The following PDE10A variants were observed in gnomAD, a reference collection of about 807,000 sequenced individuals.
The protein encoded by PDE10A is cAMP and cAMP-inhibited cGMP 3',5'-cyclic phosphodiesterase 10A.
A neutral mutation model predicts 97.7 loss-of-function variants in PDE10A; 39 were observed. The ratio of observed to expected loss-of-function variants is 0.40; its 90% confidence interval spans 0.31 to 0.52. The LOEUF (loss-of-function observed/expected upper bound fraction) is 0.52. Ranked by LOEUF, PDE10A falls within the 20% of genes least tolerant of loss-of-function variation. The probability of loss-of-function intolerance (pLI) is 0.56; values close to 1 mark genes in which losing one functional copy is unlikely to be tolerated. For synonymous variants in PDE10A, 371 were observed against 376.8 expected (o/e 0.98, Z 0.18); for missense variants, 731 against 1,047.8 (o/e 0.70, Z 4.17).
chr6:165,956,672 C>G (rs538604862), intron 1 of PDE10A, among the ~76,000 whole-genome samples: 1 of 152,306 alleles, frequency 6.6e-6, no homozygotes, highest in South Asian at 2.1e-4. Flanking sequence ...TCCTATGTTT[C>G]TCATTTTAAA....
chr6:165,978,521 A>T (rs954205227), intron 1 of PDE10A, among the ~76,000 whole-genome samples: 3 of 152,218 alleles, frequency 2.0e-5, no homozygotes, highest in African/African-American at 7.2e-5. Context: ...GCACAGTGCC[A>T]CCTATGTGGT....
Position 165,379,225 on chromosome 6 carries a change from C to T in PDE10A, c.2752G>A (p.Gly918Arg), listed in dbSNP as rs376347226. 1.4e-5 allele frequency: 23 copies of T among 1,610,902 alleles called. 1 individual carries two copies. The highest frequency in any genetic ancestry group is 6.6e-5 in the South Asian group (6 of 90,386). The change falls in exon 18 of 22, where the codon GGA becomes AGA. Residue 918 changes from glycine to arginine, a missense_variant. By Grantham distance (125) the Gly-to-Arg change is moderately radical. Transcript: ENST00000539869. ...GATTGATTATTAAGGTTTAGTGATC[C>T]GGTCTGGTACATCTCTTCCAACTGC... is the stretch of plus-strand genomic sequence containing the variant. ...RKQLEEMYQTGSLNLNNQSHR... is the reference protein window; with the variant it reads ...RKQLEEMYQTRSLNLNNQSHR...
chr6:165,926,713 C>T (rs56350370), intron 1 of PDE10A, among the ~76,000 whole-genome samples: 21,920 of 152,088 alleles, frequency 0.14, 1,804 homozygotes, highest in East Asian at 0.26. Flanking sequence ...GCATCAAAGA[C>T]GTGTCAGACA....
At chr6:165,615,131 A>C (rs1459567552) in intron 1 of PDE10A, among the ~76,000 whole-genome samples, 3 of 150,634 alleles carry the variant, frequency 2.0e-5, no homozygotes, top group African/African-American at 7.3e-5. Context: ...AATTGCTTGA[A>C]CCCAGGAGGC....
At chr6:165,470,033 G>A (rs773164756) in intron 3 of PDE10A, among the ~76,000 whole-genome samples, 1 of 152,112 alleles carries the variant, frequency 6.6e-6, no homozygotes, top group Non-Finnish European at 1.5e-5. Context: ...GGGCATTGGT[G>A]TTTAGTCCAT....
intron 5 of PDE10A, 146 bp downstream of exon 5, chr6:165,448,782 T>G (rs749738450): frequency 4.5e-5 from 25 of 552,848 alleles, no homozygotes; most frequent in African/African-American, 3.2e-4. Context: ...AATTCTTGAC[T>G]GGTAATAACC....
At chr6:165,657,483 C>G (rs1790024361) in intron 1 of PDE10A, among the ~76,000 whole-genome samples, 1 of 152,162 alleles carries the variant, frequency 6.6e-6, no homozygotes, top group African/African-American at 2.4e-5. Flanking sequence ...TCGAAACAAA[C>G]AAAAATTAAC....
At position 165,430,996 on chromosome 6, in the gene PDE10A, A is replaced by G. The variant is rs1005709490; in HGVS notation, c.1542+426T>C. On this transcript the variant is annotated intron_variant, in intron 8 of 21. Coordinates refer to ENST00000539869, the MANE Select transcript of PDE10A (RefSeq NM_001385079.1). ...AAGTAGTTGGTGATTTTTAAATTAG[A>G]TATCTTCAAAAGAACCAGATATCTT... Among the ~76,000 whole-genome samples the G allele has an allele frequency of 2.0e-5, 3 of 152,202 alleles. No individual in the cohort carries two copies. In the South Asian group the frequency reaches 6.2e-4, roughly 31 times the overall value.
At chr6:165,964,397 A>G (rs927780802) in intron 1 of PDE10A, among the ~76,000 whole-genome samples, 6 of 152,278 alleles carry the variant, frequency 3.9e-5, no homozygotes, top group East Asian at 3.9e-4. Flanking sequence ...TTTTATCACT[A>G]TAATTGTTTT....
At chr6:165,627,456 G>A (rs1788440022) in intron 1 of PDE10A, among the ~76,000 whole-genome samples, 1 of 152,152 alleles carries the variant, frequency 6.6e-6, no homozygotes, top group South Asian at 2.1e-4. Context: ...TGCCAGATGG[G>A]CCTAAATATC....
intron 1 of PDE10A, among the ~76,000 whole-genome samples, chr6:165,881,753 G>C (rs1332181956): frequency 6.6e-6 from 1 of 151,932 alleles, no homozygotes; most frequent in Admixed American, 6.6e-5. Context: ...TAAATACACA[G>C]AGTGAAGGAA....
At chr6:165,624,069 C>T (rs1788273266) in intron 1 of PDE10A, among the ~76,000 whole-genome samples, 1 of 152,234 alleles carries the variant, frequency 6.6e-6, no homozygotes, top group South Asian at 2.1e-4. Context: ...TTCATTCAGT[C>T]TGGTTCAAAG....
chr6:165,598,322 T>C (rs1482778120), intron 1 of PDE10A, among the ~76,000 whole-genome samples: 1 of 152,198 alleles, frequency 6.6e-6, no homozygotes, highest in African/African-American at 2.4e-5. Flanking sequence ...AAAGAGATCT[T>C]AAAAACAGAA....
At chr6:165,570,861 C>T (rs996361996) in intron 1 of PDE10A, among the ~76,000 whole-genome samples, 1 of 152,046 alleles carries the variant, frequency 6.6e-6, no homozygotes, top group Non-Finnish European at 1.5e-5. Context: ...ATTGGAAATA[C>T]AAGGTTAGGT....
intron 1 of PDE10A, among the ~76,000 whole-genome samples, chr6:165,643,243 GTGGATGGATGGA>G (rs139921985): frequency 0.17 from 26,409 of 151,538 alleles, 2,675 homozygotes; most frequent in African/African-American, 0.28. Context: ...GGGTGGGTGG[GTGGATGGATGGA>G]TGGATGGATG....
At chr6:165,647,039 A>T (rs1201440968) in intron 1 of PDE10A, among the ~76,000 whole-genome samples, 1 of 152,232 alleles carries the variant, frequency 6.6e-6, no homozygotes. Flanking sequence ...TGTACCCATA[A>T]GGAGATCATT....
chr6:165,409,129 C>A (rs569386176), intron 13 of PDE10A, among the ~76,000 whole-genome samples: 10 of 141,302 alleles, frequency 7.1e-5, no homozygotes, highest in African/African-American at 2.7e-4. Context: ...GGCACCACTG[C>A]ACTCCAGCCT....
At chr6:165,612,726 C>A (rs1164563318) in intron 1 of PDE10A, among the ~76,000 whole-genome samples, 1 of 152,142 alleles carries the variant, frequency 6.6e-6, no homozygotes, top group Non-Finnish European at 1.5e-5. Flanking sequence ...AGAAACAATA[C>A]CAAAATAATG....
intron 1 of PDE10A, among the ~76,000 whole-genome samples, chr6:165,674,643 C>G (rs1258366635): frequency 1.3e-5 from 2 of 152,154 alleles, no homozygotes; most frequent in East Asian, 3.9e-4. Flanking sequence ...TCCTAAGGGA[C>G]TGGCCAGGAC....
Sources: allele counts gnomAD v4.1 joint callset (sites outside exome capture counted in the v4.1 genomes callset), GRCh38; gene constraint gnomAD v4.1.1; transcripts MANE v1.5; gene names NCBI Gene and HGNC (gene_info 2026-07-23, HGNC 2026-07-21).